Variants in ULK4 observed in about 807,000 individuals in gnomAD.
ULK4 encodes inactive serine/threonine-protein kinase ULK4.
A neutral mutation model predicts 160.6 loss-of-function variants in ULK4; 133 were observed. The ratio of observed to expected loss-of-function variants is 0.83; its 90% confidence interval spans 0.72 to 0.96. The LOEUF is 0.96. Among genes scored for constraint, ULK4 ranks in the 40% least tolerant of loss-of-function variants. The probability of loss-of-function intolerance (pLI) is 0.00; values close to 1 mark genes in which losing one functional copy is unlikely to be tolerated. For synonymous variants in ULK4, 534 were observed against 539.8 expected, an observed-to-expected ratio of 0.99 and a Z score of 0.15; for missense variants, 1,580 against 1,499.5, an observed-to-expected ratio of 1.05 and a Z score of -0.89.
intron 32 of ULK4, among the ~76,000 whole-genome samples, chr3:41,489,678 T>C (rs2084676865): frequency 6.6e-6 from 1 of 152,054 alleles, no homozygotes; most frequent in South Asian, 2.1e-4. Context: ...GCTTTGCAAT[T>C]TTTTCAAGGA....
At chr3:41,486,711 A>ACCAATTTGGG (rs1408730827) in intron 32 of ULK4, among the ~76,000 whole-genome samples, 1 of 152,144 alleles carries the variant, frequency 6.6e-6, no homozygotes, top group Non-Finnish European at 1.5e-5. Flanking sequence ...CAAAGTCCTG[A>ACCAATTTGGG]CCAATTTGGG....
chr3:41,552,439 A>G (rs2087107870), intron 32 of ULK4, among the ~76,000 whole-genome samples: 1 of 152,058 alleles, frequency 6.6e-6, no homozygotes, highest in Non-Finnish European at 1.5e-5. Flanking sequence ...CATAAAAATC[A>G]GTAGTCTTTT....
intron 32 of ULK4, among the ~76,000 whole-genome samples, chr3:41,523,468 A>G (rs9311281): frequency 0.41 from 62,179 of 151,994 alleles, 12,944 homozygotes; most frequent in African/African-American, 0.44. Context: ...TAATGCCACA[A>G]AATTGTAACA....
intron 35 of ULK4, among the ~76,000 whole-genome samples, chr3:41,300,837 T>TTTTATATATA (rs1491100332): frequency 1.7e-4 from 10 of 57,876 alleles, no homozygotes; most frequent in African/African-American, 4.1e-4. Flanking sequence ...ATTTTACAGA[T>TTTTATATATA]TATATATATA....
At chr3:41,774,800 A>G (rs1396647105) in intron 21 of ULK4, among the ~76,000 whole-genome samples, 2 of 150,656 alleles carry the variant, frequency 1.3e-5, no homozygotes, top group Non-Finnish European at 2.9e-5. Context: ...ACTACTCACA[A>G]TAGCAAAAAC....
chr3:41,825,505 C>T (rs1003537294), intron 18 of ULK4, among the ~76,000 whole-genome samples: 6 of 152,148 alleles, frequency 3.9e-5, no homozygotes, highest in Non-Finnish European at 5.9e-5. Flanking sequence ...ACAAGAACTA[C>T]GTGACAAAGG....
At chr3:41,777,888 C>A (rs1010942298) in intron 21 of ULK4, among the ~76,000 whole-genome samples, 6 of 143,212 alleles carry the variant, frequency 4.2e-5, no homozygotes, top group African/African-American at 1.3e-4. Flanking sequence ...ACTGAATGGG[C>A]AAAAACTGGA....
intron 35 of ULK4, among the ~76,000 whole-genome samples, chr3:41,383,311 T>A (rs571350335): frequency 6.6e-6 from 1 of 152,212 alleles, no homozygotes; most frequent in East Asian, 1.9e-4. Flanking sequence ...GTTTGCCAGG[T>A]TGGTCTCGAA....
chr3:41,825,559 T>A (rs1316791533), intron 18 of ULK4, among the ~76,000 whole-genome samples: 1 of 152,166 alleles, frequency 6.6e-6, no homozygotes, highest in Non-Finnish European at 1.5e-5. Flanking sequence ...AGAAAGGGTA[T>A]CAGTGATGGA....
intron 32 of ULK4, among the ~76,000 whole-genome samples, chr3:41,545,941 GTTC>G (rs1256402284): frequency 5.3e-5 from 8 of 151,932 alleles, no homozygotes; most frequent in African/African-American, 2.4e-5. Flanking sequence ...CTTTTATATG[GTTC>G]TTCTTTATAG....
At position 41,388,693 on chromosome 3, in the gene ULK4, G is replaced by A. The variant is rs200194887; in HGVS notation, c.3678+9386C>T. On this transcript the variant is annotated intron_variant, in intron 35 of 36. Transcript: ENST00000301831. ...AAAGATCAGATAGTTGTAGATATGC[G>A]GCATTATTTCTGAGGGCTCTGTTCT... Among the ~76,000 whole-genome samples the A allele has an allele frequency of 5.6e-3, 855 of 151,650 alleles. 4 individuals are homozygous for A. The highest frequency in any genetic ancestry group is 0.013 in the African/African-American group (533 of 41,226).
At chr3:41,398,009 T>G in intron 35 of ULK4, 70 bp downstream of exon 35, 3 of 1,498,676 alleles carry the variant, frequency 2.0e-6, no homozygotes, top group South Asian at 2.6e-5. Flanking sequence ...GTCCAAGAAA[T>G]GGCTACTCAC....
At chr3:41,605,013 T>C (rs1250205776) in intron 31 of ULK4, among the ~76,000 whole-genome samples, 1 of 152,104 alleles carries the variant, frequency 6.6e-6, no homozygotes, top group Non-Finnish European at 1.5e-5. Flanking sequence ...ATTTGATCTG[T>C]GATCCTTTAT....
intron 19 of ULK4, among the ~76,000 whole-genome samples, chr3:41,815,034 G>A (rs776058381): frequency 1.3e-4 from 19 of 150,482 alleles, no homozygotes; most frequent in Non-Finnish European, 1.5e-4. Context: ...TCAGCCTCCC[G>A]AGTAGCTGGA....
chr3:41,869,729 T>C (rs564484863), intron 17 of ULK4, among the ~76,000 whole-genome samples: 1 of 152,362 alleles, frequency 6.6e-6, no homozygotes, highest in East Asian at 1.9e-4. Flanking sequence ...ACTTATGTTA[T>C]AAAACACACA....
intron 32 of ULK4, among the ~76,000 whole-genome samples, chr3:41,529,070 G>A (rs78375472): frequency 0.035 from 5,342 of 152,252 alleles, 142 homozygotes; most frequent in Non-Finnish European, 0.055. Flanking sequence ...TTCCCAAAGC[G>A]CATCTTGAGA....
chr3:41,350,669 T>C (rs1653926214), intron 35 of ULK4, among the ~76,000 whole-genome samples: 1 of 152,190 alleles, frequency 6.6e-6, no homozygotes, highest in Non-Finnish European at 1.5e-5. Context: ...TGTCATTGTG[T>C]TTGGCAAGGT....
chr3:41,304,510 G>C (rs1360258463), intron 35 of ULK4, among the ~76,000 whole-genome samples: 3 of 152,244 alleles, frequency 2.0e-5, no homozygotes, highest in Admixed American at 1.3e-4. Flanking sequence ...TAACACTTAG[G>C]TTCTTAGTTT....
At chr3:41,658,730 C>T (rs1559466906) in intron 30 of ULK4, among the ~76,000 whole-genome samples, 1 of 122,578 alleles carries the variant, frequency 8.2e-6, no homozygotes, top group Non-Finnish European at 1.6e-5. Context: ...AAAAACAGTA[C>T]ACACACACAC....
Sources: gnomAD v4.1 joint callset for allele counts (sites outside exome capture counted in the v4.1 genomes callset) on GRCh38, gnomAD v4.1.1 for gene constraint, MANE v1.5 for transcripts, NCBI Gene and HGNC (gene_info 2026-07-23, HGNC 2026-07-21) for gene names.